Variants in SLC17A1 observed in about 807,000 individuals in gnomAD.
The protein encoded by SLC17A1 is sodium-dependent phosphate transport protein 1.
In SLC17A1, 51 loss-of-function variants were observed where a neutral mutation model predicts 53.5. The ratio of observed to expected loss-of-function variants is 0.95; its 90% CI spans 0.76 to 1.20. The LOEUF is 1.20. SLC17A1 is among the 50% of genes most tolerant of loss of function. The pLI, the probability that SLC17A1 is intolerant of heterozygous loss-of-function variation, is 0.00. For missense variants in SLC17A1, 538 were observed against 568.2 expected, an observed-to-expected ratio of 0.95 and a Z score of 0.54; for synonymous variants, 179 against 198.8, an observed-to-expected ratio of 0.90 and a Z score of 0.84.
At chr6:25,824,536 CAGT>C (rs1426064930) in intron 3 of SLC17A1, among the ~76,000 whole-genome samples, 1 of 151,498 alleles carries the variant, frequency 6.6e-6, no homozygotes, top group African/African-American at 2.4e-5. Flanking sequence ...AAATGAATAA[CAGT>C]AGTCACAGAG....
At chr6:25,752,593 T>G in the SLC17A1 span, among the ~76,000 whole-genome samples, 2 of 152,218 alleles carry the variant, frequency 1.3e-5, no homozygotes, top group African/African-American at 4.8e-5. Flanking sequence ...CTTTTAAATG[T>G]TTTTAAACTT....
the SLC17A1 span, chr6:25,769,169 T>C: frequency 5.0e-6 from 8 of 1,613,888 alleles, 1 homozygote; most frequent in South Asian, 3.3e-5. Context: ...GGAATGAAAC[T>C]CTAAAAGAAT....
At chr6:25,813,343 G>C in intron 6 of SLC17A1, 130 bp from the exon 7 acceptor site, 1 of 740,184 alleles carries the variant, frequency 1.4e-6, no homozygotes, top group Non-Finnish European at 2.3e-6. Flanking sequence ...TTTTCAACAA[G>C]ACTTGTGTTT....
At chr6:25,816,322 A>T (rs1764354992) in intron 6 of SLC17A1, among the ~76,000 whole-genome samples, 1 of 152,212 alleles carries the variant, frequency 6.6e-6, no homozygotes, top group South Asian at 2.1e-4. Context: ...ATCTTATGCA[A>T]ATAGTGCCTC....
At chr6:25,740,699 A>G in the SLC17A1 span, among the ~76,000 whole-genome samples, 16 of 152,228 alleles carry the variant, frequency 1.1e-4, no homozygotes, top group Non-Finnish European at 2.1e-4. Flanking sequence ...CTAACACATT[A>G]AGAAAATATA....
chr6:25,751,599 C>T, the SLC17A1 span, among the ~76,000 whole-genome samples: 2 of 152,146 alleles, frequency 1.3e-5, no homozygotes, highest in Non-Finnish European at 1.5e-5. Flanking sequence ...AACTGGGCCC[C>T]TAAGTGAGGA....
the SLC17A1 span, among the ~76,000 whole-genome samples, chr6:25,750,530 T>A: frequency 3.9e-5 from 6 of 152,264 alleles, no homozygotes; most frequent in Non-Finnish European, 7.4e-5. Context: ...TAAAGCTTGG[T>A]CTTGTGCAAG....
intron 10 of SLC17A1, among the ~76,000 whole-genome samples, chr6:25,803,977 ACTGT>A (rs779124398): frequency 1.3e-5 from 2 of 152,306 alleles, no homozygotes; most frequent in East Asian, 3.9e-4. Context: ...TTGAAATTCA[ACTGT>A]CTAACTCTAG....
the SLC17A1 span, among the ~76,000 whole-genome samples, chr6:25,766,358 G>C: frequency 1.3e-5 from 2 of 152,070 alleles, no homozygotes; most frequent in African/African-American, 2.4e-5. Context: ...AGAGGAAAAT[G>C]CCTATTTATC....
chr6:25,746,842 T>C, the SLC17A1 span, among the ~76,000 whole-genome samples: 5 of 152,192 alleles, frequency 3.3e-5, no homozygotes, highest in African/African-American at 4.8e-5. Context: ...AAAAACAATA[T>C]GGCAGGATTG....
At chr6:25,824,367 A>G (rs922479126) in intron 3 of SLC17A1, among the ~76,000 whole-genome samples, 3 of 151,934 alleles carry the variant, frequency 2.0e-5, no homozygotes, top group Non-Finnish European at 4.4e-5. Context: ...ATTTTTAAAA[A>G]TAAACTATGA....
chr6:25,786,142 C>G (rs1763378117), intron 12 of SLC17A1, among the ~76,000 whole-genome samples: 1 of 151,878 alleles, frequency 6.6e-6, no homozygotes, highest in African/African-American at 2.4e-5. Context: ...TACTGGGCCA[C>G]AAAAAAAGAA....
chr6:25,737,432 C>A, the SLC17A1 span, among the ~76,000 whole-genome samples: 1 of 151,930 alleles, frequency 6.6e-6, no homozygotes, highest in Admixed American at 6.6e-5. Flanking sequence ...CCCTGCTTGC[C>A]AAACTATCTT....
chr6:25,726,431 G>A, the SLC17A1 span: 3 of 1,614,052 alleles, frequency 1.9e-6, no homozygotes, highest in East Asian at 2.2e-5. Flanking sequence ...CGAAGCAGAC[G>A]ATGGATCCGG....
the SLC17A1 span, chr6:25,727,183 C>G: frequency 6.2e-7 from 1 of 1,614,198 alleles, no homozygotes; most frequent in Non-Finnish European, 8.5e-7. Flanking sequence ...TCCACCATTT[C>G]TTCCAGAGAG....
intron 6 of SLC17A1, among the ~76,000 whole-genome samples, chr6:25,814,454 G>C (rs1258930405): frequency 6.6e-6 from 1 of 152,118 alleles, no homozygotes; most frequent in Non-Finnish European, 1.5e-5. Flanking sequence ...TTATTTGTGG[G>C]ACACAAATGT....
At chr6:25,771,027 CA>C in the SLC17A1 span, 1 of 1,601,344 alleles carries the variant, frequency 6.2e-7, no homozygotes, top group Non-Finnish European at 8.6e-7. Context: ...GTGTGCTTTT[CA>C]AATCTCCAAT....
intron 10 of SLC17A1, among the ~76,000 whole-genome samples, chr6:25,805,894 A>G (rs1763936856): frequency 2.6e-5 from 4 of 152,044 alleles, no homozygotes; most frequent in Admixed American, 1.3e-4. Context: ...TGCCAACAAC[A>G]ACAACAACAA....
intron 6 of SLC17A1, among the ~76,000 whole-genome samples, chr6:25,816,036 A>C (rs953493884): frequency 1.4e-4 from 21 of 149,800 alleles, no homozygotes; most frequent in African/African-American, 5.2e-4. Flanking sequence ...ACCAGACCCC[A>C]CTCTTGTTAA....
Sources: allele counts gnomAD v4.1 joint callset (sites outside exome capture counted in the v4.1 genomes callset), GRCh38; gene constraint gnomAD v4.1.1; transcripts MANE v1.5; gene names NCBI Gene and HGNC (gene_info 2026-07-23, HGNC 2026-07-21).